Variants in FRMPD1 observed in about 807,000 individuals in gnomAD.
The protein encoded by FRMPD1 is FERM and PDZ domain-containing protein 1.
In FRMPD1, 76 loss-of-function variants were observed where a neutral mutation model predicts 117.8. The ratio of observed to expected loss-of-function variants is 0.65; its 90% CI spans 0.54 to 0.78. The LOEUF is 0.78. Ranked by LOEUF, FRMPD1 falls within the 30% of genes least tolerant of loss-of-function variation. FRMPD1 has a pLI of 0.00. For synonymous variants in FRMPD1, 783 were observed against 770.4 expected (o/e 1.02, Z -0.27); for missense variants, 1,786 against 1,964.5 (o/e 0.91, Z 1.72).
At chr9:37,637,293 TGGC>T in the FRMPD1 span, 4 of 1,495,072 alleles carry the variant, frequency 2.7e-6, no homozygotes, top group Non-Finnish European at 3.7e-6. Context: ...CCGGGGTTCA[TGGC>T]GGCGGCGGAA....
At chr9:37,637,366 C>A in the FRMPD1 span, 1 of 753,296 alleles carries the variant, frequency 1.3e-6, no homozygotes, top group Non-Finnish European at 2.4e-6. Context: ...TGGTGGCCGC[C>A]GATGTTTTTT....
At chr9:37,714,902 C>T (rs908178387) in intron 5 of FRMPD1, among the ~76,000 whole-genome samples, 2 of 152,154 alleles carry the variant, frequency 1.3e-5, no homozygotes, top group African/African-American at 4.8e-5. Flanking sequence ...TCTGCCTCGG[C>T]CTCCCAAAGT....
the FRMPD1 span, among the ~76,000 whole-genome samples, chr9:37,611,629 C>T: frequency 6.6e-6 from 1 of 152,112 alleles, no homozygotes; most frequent in Non-Finnish European, 1.5e-5. Context: ...TGGAGCAAAT[C>T]CCACTACAAT....
At chr9:37,640,256 C>G in the FRMPD1 span, among the ~76,000 whole-genome samples, 2 of 152,164 alleles carry the variant, frequency 1.3e-5, no homozygotes, top group Non-Finnish European at 2.9e-5. Context: ...AACACAGATG[C>G]CATTAATGGC....
chr9:37,634,427 G>C, the FRMPD1 span, among the ~76,000 whole-genome samples: 2 of 152,200 alleles, frequency 1.3e-5, no homozygotes, highest in South Asian at 2.1e-4. Context: ...TAGTTTTCCT[G>C]AAGTGTTCCA....
At chr9:37,738,744 G>A (rs1014416348) in intron 14 of FRMPD1, among the ~76,000 whole-genome samples, 2 of 152,152 alleles carry the variant, frequency 1.3e-5, no homozygotes, top group Admixed American at 1.3e-4. Context: ...TGGAGGGGTT[G>A]TGGGGGGGAC....
intron 6 of FRMPD1, among the ~76,000 whole-genome samples, chr9:37,720,484 G>A (rs772309705): frequency 4.6e-5 from 7 of 152,244 alleles, no homozygotes; most frequent in Non-Finnish European, 7.4e-5. Context: ...CTAACATGGC[G>A]AAACCCCATC....
chr9:37,719,076 C>G lies in FRMPD1; in HGVS notation c.416C>G (p.Pro139Arg). Reference protein sequence around the residue: ...ITVVRCTSGVPKSSFLTEEKR... With the variant: ...ITVVRCTSGVRKSSFLTEEKR... ...CATGTTACTGTTTTTCAGGGAGTCC[C>G]TAAATCGTCCTTCCTGACCGAGGAG... Residue 139 changes from proline to arginine, a missense_variant, in exon 6 of 16, where the codon CCT becomes CGT. Coordinates refer to ENST00000377765, the MANE Select transcript of FRMPD1 (RefSeq NM_014907.3). 6.2e-7 allele frequency: 1 copy of G among 1,604,358 alleles called. No homozygotes were observed. The highest frequency in any genetic ancestry group is 1.3e-5 in the African/African-American group (1 of 74,860).
chr9:37,610,740 G>A, the FRMPD1 span, among the ~76,000 whole-genome samples: 4 of 152,106 alleles, frequency 2.6e-5, no homozygotes, highest in East Asian at 5.8e-4. Flanking sequence ...GATTACAGGC[G>A]TGCGCCATCA....
chr9:37,695,936 G>C (rs1393094505), intron 2 of FRMPD1, among the ~76,000 whole-genome samples: 1 of 151,700 alleles, frequency 6.6e-6, no homozygotes, highest in African/African-American at 2.4e-5. Context: ...CCATTCAGTG[G>C]CTCACCTACC....
the FRMPD1 span, among the ~76,000 whole-genome samples, chr9:37,609,619 G>A: frequency 4.6e-5 from 7 of 152,300 alleles, no homozygotes; most frequent in East Asian, 9.6e-4. Context: ...GATGATTGCA[G>A]TAACCTTCCG....
intron 15 of FRMPD1, among the ~76,000 whole-genome samples, chr9:37,743,962 G>T (rs1007664544): frequency 2.0e-5 from 3 of 151,792 alleles, no homozygotes; most frequent in Admixed American, 2.0e-4. Context: ...GCCTAGGTAG[G>T]CGGATCATTT....
At chr9:37,644,071 A>G in the FRMPD1 span, among the ~76,000 whole-genome samples, 6 of 152,162 alleles carry the variant, frequency 3.9e-5, no homozygotes, top group African/African-American at 1.4e-4. Context: ...TCACAAAGGT[A>G]TCTGAGAGGG....
At chr9:37,669,624 T>A (rs1177592346) in intron 1 of FRMPD1, among the ~76,000 whole-genome samples, 1 of 152,122 alleles carries the variant, frequency 6.6e-6, no homozygotes, top group African/African-American at 2.4e-5. Flanking sequence ...GAATAATGAT[T>A]CCCTTTTTCT....
the FRMPD1 span, among the ~76,000 whole-genome samples, chr9:37,626,619 T>TC: frequency 8.8e-5 from 1 of 11,360 alleles, no homozygotes; most frequent in East Asian, 8.5e-4. Flanking sequence ...AGACCTGGTA[T>TC]CTGAAAAAAA....
chr9:37,724,155 C>A, intron 6 of FRMPD1, 70 bp from the exon 7 acceptor site: 1 of 783,146 alleles, frequency 1.3e-6, no homozygotes, highest in South Asian at 1.5e-5. Flanking sequence ...GCCTGGGTGA[C>A]AGAGAGAGAC....
At chr9:37,675,669 G>A (rs1268103999) in intron 1 of FRMPD1, among the ~76,000 whole-genome samples, 1 of 152,166 alleles carries the variant, frequency 6.6e-6, no homozygotes, top group East Asian at 1.9e-4. Context: ...GCATGGGCTG[G>A]TGAGTGCCTG....
upstream of FRMPD1, among the ~76,000 whole-genome samples, chr9:37,649,503 G>A (rs140354011): frequency 1.5e-3 from 221 of 152,272 alleles, no homozygotes; most frequent in Non-Finnish European, 2.7e-3. Flanking sequence ...GGAGCTTTGG[G>A]TGCAATTACG....
chr9:37,613,344 G>T, the FRMPD1 span, among the ~76,000 whole-genome samples: 1 of 152,260 alleles, frequency 6.6e-6, no homozygotes, highest in African/African-American at 2.4e-5. Context: ...CCTTACAGGT[G>T]GTAGATGAGA....
Sources: gnomAD v4.1 joint callset for allele counts (sites outside exome capture counted in the v4.1 genomes callset) on GRCh38, gnomAD v4.1.1 for gene constraint, MANE v1.5 for transcripts, NCBI Gene and HGNC (gene_info 2026-07-23, HGNC 2026-07-21) for gene names.